Variants in CEP131 observed in about 807,000 individuals in gnomAD.
CEP131 encodes the protein centrosomal protein of 131 kDa.
Under a neutral mutation model 136.8 loss-of-function variants are expected in CEP131, and 99 were observed. The ratio of observed to expected loss-of-function variants is 0.72; its 90% CI spans 0.62 to 0.86. The LOEUF (loss-of-function observed/expected upper bound fraction) is 0.86. Ranked by LOEUF, CEP131 falls within the 40% of genes least tolerant of loss-of-function variation. The pLI, the probability that CEP131 is intolerant of heterozygous loss-of-function variation, is 0.00. For synonymous variants in CEP131, 646 were observed against 612.7 expected, an observed-to-expected ratio of 1.05 and a Z score of -0.80; for missense variants, 1,459 against 1,463.0, an observed-to-expected ratio of 1.00 and a Z score of 0.04.
At chr17:81,221,720 G>T (rs1428017968) in intron 1 of CEP131, among the ~76,000 whole-genome samples, 1 of 152,212 alleles carries the variant, frequency 6.6e-6, no homozygotes, top group Admixed American at 6.5e-5. Context: ...GCACACAGTT[G>T]GTTTATGAAT....
chr17:81,208,332 C>T lies in CEP131; in HGVS notation c.272+596G>A, dbSNP rs536201330. Among the ~76,000 whole-genome samples the T allele has an allele frequency of 2.0e-5, 3 of 152,346 alleles. No homozygotes were observed. Among genetic ancestry groups the T allele is most frequent in the African/African-American group, 7.2e-5 (3 of 41,576 alleles). The stretch of plus-strand genomic sequence containing the variant: ...CATTAGGTCCACGGCCCCACAGGAG[C>T]ACCCTGCTCGCTCGGGGACAATGCC... On this transcript the variant is annotated intron_variant, in intron 3 of 25. Transcript: ENST00000450824. This position sits in a 1 kb window ranked among gnomAD's most constrained non-coding sequence, Gnocchi z 5.6.
At chr17:81,211,054 C>G (rs575532644) in intron 2 of CEP131, among the ~76,000 whole-genome samples, 2 of 152,176 alleles carry the variant, frequency 1.3e-5, no homozygotes, top group Non-Finnish European at 2.9e-5. Context: ...AGCGCGTGGG[C>G]GCCACCATTC....
rs770896593 is a variant in CEP131, at chr17:81,191,370, C to T, written c.2623-35G>A. ...CATGCGCTGCCTGGGGGTTGCCACCCGGAGCCGGCCCGCGGGGCCAGGGCC... is the reference window on the plus strand; with the variant it reads ...CATGCGCTGCCTGGGGGTTGCCACCTGGAGCCGGCCCGCGGGGCCAGGGCC... On this transcript the variant is annotated intron_variant, in intron 21 of 25. Coordinates refer to ENST00000450824, the MANE Select transcript of CEP131 (RefSeq NM_014984.4). 1.1e-5 allele frequency: 17 copies of T among 1,610,856 alleles called. No individual in the cohort carries two copies. In the African/African-American group the frequency reaches 1.5e-4, roughly 14 times the overall value.
intron 2 of CEP131, among the ~76,000 whole-genome samples, chr17:81,214,654 A>G (rs2062205976): frequency 6.6e-6 from 1 of 152,230 alleles, no homozygotes; most frequent in Non-Finnish European, 1.5e-5. Flanking sequence ...TGTAAAGGCC[A>G]AAACTGTGCT....
At chr17:81,218,558 C>T (rs756801046) in intron 2 of CEP131, among the ~76,000 whole-genome samples, 1 of 152,258 alleles carries the variant, frequency 6.6e-6, no homozygotes, top group African/African-American at 2.4e-5. Flanking sequence ...TCACAGCTTA[C>T]GTCTGTAAAT....
chr17:81,199,240 G>C, intron 10 of CEP131, 141 bp downstream of exon 10: 1 of 1,062,382 alleles, frequency 9.4e-7, no homozygotes, highest in Non-Finnish European at 1.3e-6. Flanking sequence ...TCAGCTGGGG[G>C]CCAAGGCCCC....
intron 2 of CEP131, among the ~76,000 whole-genome samples, chr17:81,218,671 G>A (rs1343481279): frequency 6.6e-6 from 1 of 152,258 alleles, no homozygotes; most frequent in Non-Finnish European, 1.5e-5. Context: ...GAACCTGCTT[G>A]GTCCAAGGGT....
chr17:81,199,361 G>T lies in CEP131; in HGVS notation c.1192+20C>A. 2 of 1,585,564 alleles carry T rather than the reference G, an allele frequency of 1.3e-6. No homozygotes were observed. The highest frequency in any genetic ancestry group is 8.5e-7 in the Non-Finnish European group (1 of 1,169,896). ...TGCAGTCCACCCCCCAGAGCAGGGC[G>T]GGCGTGGAGCCACTCTCACCAGTAT... On this transcript the variant is annotated intron_variant, in intron 10 of 25. Coordinates refer to ENST00000450824, the MANE Select transcript of CEP131 (RefSeq NM_014984.4).
rs763686020 is a variant in CEP131 at position 81,198,183 on chromosome 17, CCAGCAGCTGCAGTGTGTG to C, written c.1384_1401del (p.His462_Leu467del). On this transcript the variant is annotated inframe_deletion, in exon 12 of 26. Coordinates refer to ENST00000450824, the MANE Select transcript of CEP131 (RefSeq NM_014984.4). The stretch of plus-strand genomic sequence containing the variant: ...CGGGGCAGCACGTCCGGCTCCTTCT[CCAGCAGCTGCAGTGTGTG>C]CAGCAGCTCCTCCAGTGGCCCCCTG... 6.9e-6 allele frequency: 11 copies of C among 1,584,626 alleles called. No homozygotes were observed. The Admixed American group carries it at 1.9e-4, about 28-fold the overall frequency.
At chr17:81,198,371 C>G in intron 11 of CEP131, 74 bp from the exon 12 acceptor site, 1 of 1,449,598 alleles carries the variant, frequency 6.9e-7, no homozygotes. Context: ...GGAGGCCAAC[C>G]GCAGAGCCCC....
chr17:81,199,465 C>T lies in CEP131; in HGVS notation c.1108G>A (p.Val370Met), dbSNP rs745539923. Residue 370 changes from valine to methionine, a missense_variant, in exon 10 of 26, where the codon GTG becomes ATG. This residue lies in a region of CEP131 where 1,026 missense variants were observed against 964.2 expected (regional missense o/e 1.06). Transcript: ENST00000450824. ...TGAGCAGGCTGCCGCATTCCTGGCA[C>T]TCTGGTCTCCCTGGGATTCTCAGGT... ...GPPENPRETR[V>M]PGMRQPAQEL... 1.2e-6 allele frequency: 2 copies of T among 1,609,146 alleles called. No individual in the cohort carries two copies. The highest frequency in any genetic ancestry group is 2.2e-5 in the South Asian group (2 of 90,184).
chr17:81,193,998 T>G lies in CEP131; in HGVS notation c.2249A>C (p.Glu750Ala). Reference sequence around the variant, plus strand: ...CCGCTCCAGCTGCTCCCGCAGCTCCTCGGCCTGGCGCAGGCAGCGCTGCGA... The same window carrying G: ...CCGCTCCAGCTGCTCCCGCAGCTCCGCGGCCTGGCGCAGGCAGCGCTGCGA... ...RASQRCLRQAEELREQLEREK... is the reference protein window; with the variant it reads ...RASQRCLRQAAELREQLEREK... Residue 750 changes from glutamate to alanine, a missense_variant, in exon 18 of 26, where the codon GAG becomes GCG. This residue lies in a region of CEP131 where 1,026 missense variants were observed against 964.2 expected (regional missense o/e 1.06). Transcript: ENST00000450824. 6 of 1,556,626 alleles carry G rather than the reference T, an allele frequency of 3.9e-6. No homozygotes were observed. The highest frequency in any genetic ancestry group is 5.2e-6 in the Non-Finnish European group (6 of 1,151,498).
At position 81,208,598 on chromosome 17, in the gene CEP131, G is replaced by A. The variant is rs527555117; in HGVS notation, c.272+330C>T. 1.1e-4 allele frequency among the ~76,000 whole-genome samples: 16 copies of A among 152,294 alleles called. No homozygotes were observed. The highest frequency in any genetic ancestry group is 3.9e-4 in the Admixed American group (6 of 15,306). On this transcript the variant is annotated intron_variant, in intron 3 of 25. Transcript: ENST00000450824. The surrounding 1 kb of genome is among the most constrained non-coding windows in gnomAD (Gnocchi z 5.6). Reference sequence around the variant, plus strand: ...GAAGGGTCACAGTGCTGCCCCTCTCGCAAATGACAGCTTTTGACATTCAGA... The same window carrying A: ...GAAGGGTCACAGTGCTGCCCCTCTCACAAATGACAGCTTTTGACATTCAGA...
At chr17:81,217,848 T>C (rs1307271525) in intron 2 of CEP131, among the ~76,000 whole-genome samples, 2 of 152,052 alleles carry the variant, frequency 1.3e-5, no homozygotes, top group Non-Finnish European at 2.9e-5. Flanking sequence ...CAACAGAACA[T>C]TTCCCAGCAG....
intron 2 of CEP131, among the ~76,000 whole-genome samples, chr17:81,218,290 G>C (rs767403680): frequency 6.6e-6 from 1 of 152,164 alleles, no homozygotes; most frequent in Non-Finnish European, 1.5e-5. Context: ...TGATCCACCC[G>C]CCTCAACCTC....
chr17:81,190,872 G>T, intron 23 of CEP131, 35 bp downstream of exon 23: 5 of 1,593,858 alleles, frequency 3.1e-6, no homozygotes, highest in Non-Finnish European at 4.3e-6. Context: ...GGGGCCTGTG[G>T]GTGCCCACTG....
rs766565893 is a variant in CEP131 at position 81,196,695 on chromosome 17, G to A, written c.1899+6C>T. The A allele has an allele frequency of 3.0e-5, 48 of 1,601,684 alleles. No individual in the cohort carries two copies. The East Asian group carries it at 5.2e-4, about 17-fold the overall frequency. On this transcript the variant is annotated splice_donor_region_variant and intron_variant, in intron 15 of 25. Coordinates refer to ENST00000450824, the MANE Select transcript of CEP131 (RefSeq NM_014984.4). ...TCCGGGCCTCTGCGCTCCCCGGGCCGCTCACCTGGTCAATGAAGGCCAAGT... is the reference window on the plus strand; with the variant it reads ...TCCGGGCCTCTGCGCTCCCCGGGCCACTCACCTGGTCAATGAAGGCCAAGT...
At chr17:81,200,301 A>G (rs1413696098) in intron 8 of CEP131, 28 bp downstream of exon 8, 3 of 1,558,048 alleles carry the variant, frequency 1.9e-6, no homozygotes, top group Non-Finnish European at 2.6e-6. Flanking sequence ...CCGGGGGAGC[A>G]TGGAGTGACT....
At chr17:81,210,812 C>T (rs1305494399) in intron 2 of CEP131, among the ~76,000 whole-genome samples, 1 of 138,722 alleles carries the variant, frequency 7.2e-6, no homozygotes, top group East Asian at 2.0e-4. Flanking sequence ...GAAAACAACC[C>T]AACTTCAAAA....
Sources: gnomAD v4.1 joint callset for allele counts (sites outside exome capture counted in the v4.1 genomes callset) on GRCh38, gnomAD v4.1.1 for gene constraint, gnomAD v4.1.1 regional missense constraint, Gnocchi (gnomAD v3.1) non-coding constraint, MANE v1.5 for transcripts, NCBI Gene and HGNC (gene_info 2026-07-23, HGNC 2026-07-21) for gene names.